The following CCNY variants were observed in gnomAD, a reference collection of about 807,000 sequenced individuals.
CCNY encodes the protein cyclin Y.
In CCNY, 19 loss-of-function variants were observed where a neutral mutation model predicts 42.8. The observed-to-expected ratio is 0.44, with a 90% CI of 0.31 to 0.65. CCNY has a LOEUF of 0.65. Ranked by LOEUF, CCNY falls within the 30% of genes least tolerant of loss-of-function variation. The probability of loss-of-function intolerance (pLI) is 0.07; values close to 1 mark genes in which losing one functional copy is unlikely to be tolerated. For synonymous variants in CCNY, 165 were observed against 162.7 expected (o/e 1.01, Z -0.11); for missense variants, 370 against 437.3 (o/e 0.85, Z 1.37).
intron 1 of CCNY, among the ~76,000 whole-genome samples, chr10:35,360,972 T>C (rs1836671577): frequency 1.3e-5 from 2 of 152,120 alleles, no homozygotes. Context: ...ATGATTCTCC[T>C]GCCTCAGCCT....
At chr10:35,507,247 T>C (rs1291065546) in intron 3 of CCNY, among the ~76,000 whole-genome samples, 1 of 152,202 alleles carries the variant, frequency 6.6e-6, no homozygotes, top group African/African-American at 2.4e-5. Flanking sequence ...AATCTGTTCT[T>C]TGACTTTATA....
At chr10:35,348,340 T>G (rs1051194633) in intron 1 of CCNY, among the ~76,000 whole-genome samples, 5 of 152,182 alleles carry the variant, frequency 3.3e-5, no homozygotes, top group Admixed American at 1.3e-4. Context: ...ACCTTGCTGT[T>G]CAGAAAGGAT....
At chr10:35,489,331 C>T (rs1423352204) in intron 2 of CCNY, among the ~76,000 whole-genome samples, 2 of 152,174 alleles carry the variant, frequency 1.3e-5, no homozygotes, top group Non-Finnish European at 2.9e-5. Context: ...GACGGAGTCT[C>T]GCTCTGTCGC....
chr10:35,261,854 C>T, intron 3 of CCNY, among the ~76,000 whole-genome samples: 1 of 151,932 alleles, frequency 6.6e-6, no homozygotes, highest in East Asian at 1.9e-4. Context: ...AACCCCGTCT[C>T]TACTAAAAAC....
chr10:35,307,734 A>G (rs1258104264), intron 3 of CCNY, among the ~76,000 whole-genome samples: 1 of 149,422 alleles, frequency 6.7e-6, no homozygotes, highest in African/African-American at 2.5e-5. Context: ...ACATATATGT[A>G]TATATATACA....
chr10:35,561,990 G>A (rs1841475746), intron 8 of CCNY, among the ~76,000 whole-genome samples: 1 of 152,360 alleles, frequency 6.6e-6, no homozygotes. Context: ...CCAACAATCA[G>A]TGGTCACAGC....
intron 1 of CCNY, among the ~76,000 whole-genome samples, chr10:35,430,341 A>AAC (rs1267910832): frequency 7.6e-6 from 1 of 131,076 alleles, no homozygotes; most frequent in African/African-American, 3.4e-5. Context: ...CGTCTCAAAA[A>AAC]AAAAAAAAAA....
At chr10:35,497,319 A>G (rs1840021900) in intron 2 of CCNY, among the ~76,000 whole-genome samples, 1 of 152,272 alleles carries the variant, frequency 6.6e-6, no homozygotes, top group South Asian at 2.1e-4. Flanking sequence ...TACATAAAAT[A>G]GCTAAAGCAT....
rs1287426645 is a variant in CCNY, at chr10:35,566,503, G to A, written c.909+318G>A. ...ATTACAGGTGCCTGCCACCACACCCGGTTGATTTTTTGTATTTTTAGTAGA... is the reference window on the plus strand; with the variant it reads ...ATTACAGGTGCCTGCCACCACACCCAGTTGATTTTTTGTATTTTTAGTAGA... On this transcript the variant is annotated intron_variant, in intron 9 of 9. Transcript: ENST00000374704. Among the ~76,000 whole-genome samples the A allele has an allele frequency of 3.3e-5, 5 of 152,116 alleles. No homozygotes were observed. In the Middle Eastern group the frequency reaches 0.014, roughly 414 times the overall value.
At chr10:35,382,853 A>G (rs1279986987) in intron 1 of CCNY, among the ~76,000 whole-genome samples, 3 of 152,224 alleles carry the variant, frequency 2.0e-5, no homozygotes, top group African/African-American at 7.2e-5. Flanking sequence ...TATTATTATG[A>G]TTAACTTAGT....
At chr10:35,501,393 T>C in intron 2 of CCNY, 108 bp from the exon 3 acceptor site, 1 of 843,446 alleles carries the variant, frequency 1.2e-6, no homozygotes, top group Admixed American at 1.8e-5. Context: ...GTGGGTATGT[T>C]GGTTGGTGGA....
intron 3 of CCNY, among the ~76,000 whole-genome samples, chr10:35,300,820 T>C (rs911773363): frequency 3.3e-5 from 5 of 152,252 alleles, no homozygotes; most frequent in East Asian, 1.9e-4. Context: ...ATTATTATTT[T>C]TGAGATGGAG....
chr10:35,336,446 G>C (rs943629872), upstream of CCNY: 1 of 151,742 alleles, frequency 6.6e-6, no homozygotes, highest in Non-Finnish European at 1.5e-5. Flanking sequence ...GGAAGGGGCG[G>C]TGACGGGGCG....
intron 3 of CCNY, among the ~76,000 whole-genome samples, chr10:35,516,223 C>A (rs1840423344): frequency 6.6e-6 from 1 of 152,182 alleles, no homozygotes; most frequent in Admixed American, 6.5e-5. Context: ...AGCCATGGGG[C>A]AGGTGATTTT....
At chr10:35,349,758 T>G (rs115261617) in intron 1 of CCNY, among the ~76,000 whole-genome samples, 1 of 152,302 alleles carries the variant, frequency 6.6e-6, no homozygotes, top group African/African-American at 2.4e-5. Flanking sequence ...CCAGATGCCA[T>G]GCCAGCTGCA....
chr10:35,559,511 G>A (rs1209229815), intron 8 of CCNY, among the ~76,000 whole-genome samples: 3 of 152,168 alleles, frequency 2.0e-5, no homozygotes, highest in Admixed American at 6.5e-5. Flanking sequence ...CTATCCATAT[G>A]GCAAAAAAAT....
At chr10:35,465,938 A>AGAGAGAGAGAGAGAGTGTGT in intron 1 of CCNY, among the ~76,000 whole-genome samples, 5,370 of 79,164 alleles carry the variant, frequency 0.068, 244 homozygotes, top group East Asian at 0.12. Context: ...AGAGAGAGAG[A>AGAGAGAGAGAGAGAGTGTGT]GTGTGTGTGT....
chr10:35,300,527 G>A (rs1383832825), intron 3 of CCNY, among the ~76,000 whole-genome samples: 2 of 152,078 alleles, frequency 1.3e-5, no homozygotes, highest in Non-Finnish European at 1.5e-5. Flanking sequence ...ACCAGTTACT[G>A]CTTCATGGCC....
intron 4 of CCNY, among the ~76,000 whole-genome samples, chr10:35,524,810 C>T (rs1241355444): frequency 6.6e-6 from 1 of 152,092 alleles, no homozygotes; most frequent in Non-Finnish European, 1.5e-5. Flanking sequence ...TTTACCTGTC[C>T]AGTTGGAGAC....
Sources: allele counts gnomAD v4.1 joint callset (sites outside exome capture counted in the v4.1 genomes callset), GRCh38; gene constraint gnomAD v4.1.1; transcripts MANE v1.5; gene names NCBI Gene and HGNC (gene_info 2026-07-23, HGNC 2026-07-21).